The following SIPA1L3 variants were observed in gnomAD, a reference collection of about 807,000 sequenced individuals.
SIPA1L3 encodes signal induced proliferation associated 1 like 3.
SIPA1L3 carries 59 observed loss-of-function variants against 150.1 expected under a neutral mutation model. The observed-to-expected ratio is 0.39, with a 90% CI of 0.32 to 0.49. The LOEUF (loss-of-function observed/expected upper bound fraction) is 0.49. Among genes scored for constraint, SIPA1L3 ranks in the 20% least tolerant of loss-of-function variants. The probability of loss-of-function intolerance (pLI) is 0.86; values close to 1 mark genes in which losing one functional copy is unlikely to be tolerated. For missense variants in SIPA1L3, 2,211 were observed against 2,489.5 expected, an observed-to-expected ratio of 0.89 and a Z score of 2.38; for synonymous variants, 1,070 against 1,077.6, an observed-to-expected ratio of 0.99 and a Z score of 0.14.
intron 4 of SIPA1L3, among the ~76,000 whole-genome samples, chr19:38,093,558 G>T (rs1970310516): frequency 6.6e-6 from 1 of 152,182 alleles, no homozygotes; most frequent in Admixed American, 6.6e-5. Context: ...TTCCTTCCCA[G>T]GAGGTCAGAG....
chr19:37,998,195 C>T (rs903678014), intron 1 of SIPA1L3, among the ~76,000 whole-genome samples: 20 of 152,322 alleles, frequency 1.3e-4, no homozygotes, highest in South Asian at 4.1e-4. Flanking sequence ...AAGCGACTCA[C>T]GGCTTGTTAA....
At position 38,051,380 on chromosome 19, in the gene SIPA1L3, AAGT is replaced by A. The variant is rs572504700; in HGVS notation, c.-311+22228_-311+22230del. Among the ~76,000 whole-genome samples, 19 of 152,188 alleles carry A rather than the reference AAGT, an allele frequency of 1.2e-4. 1 individual carries two copies. The East Asian group carries it at 3.7e-3, about 29-fold the overall frequency. On this transcript the variant is annotated intron_variant, in intron 2 of 21. Coordinates refer to ENST00000222345, the MANE Select transcript of SIPA1L3 (RefSeq NM_015073.3). ...TGGGTTTCATCTTTTCGTCTTTCTC[AAGT>A]AGTGCTGCAGTGGGGAGCCTCGTCC...
chr19:37,977,181 A>G (rs957821369), intron 1 of SIPA1L3, among the ~76,000 whole-genome samples: 5 of 151,796 alleles, frequency 3.3e-5, no homozygotes, highest in African/African-American at 9.7e-5. Flanking sequence ...AATTTTTTTT[A>G]TGAGATGGAG....
chr19:38,195,810 G>A (rs1199670059), intron 18 of SIPA1L3, among the ~76,000 whole-genome samples: 3 of 9,368 alleles, frequency 3.2e-4, no homozygotes, highest in Non-Finnish European at 8.7e-4. Context: ...CCGCCCCCCC[G>A]GGTTTCTCTC....
intron 16 of SIPA1L3, chr19:38,186,013 C>T (rs1972669423): frequency 6.6e-6 from 1 of 152,666 alleles, no homozygotes. Flanking sequence ...TGTCCCAGGG[C>T]ACAGCGACCG....
intron 1 of SIPA1L3, among the ~76,000 whole-genome samples, chr19:37,914,471 G>C (rs1357345722): frequency 6.6e-6 from 1 of 151,530 alleles, no homozygotes; most frequent in African/African-American, 2.4e-5. Flanking sequence ...CTGGGCTCAA[G>C]TGATCCTCCT....
intron 1 of SIPA1L3, among the ~76,000 whole-genome samples, chr19:37,939,829 A>G (rs951451009): frequency 6.6e-6 from 1 of 152,190 alleles, no homozygotes; most frequent in Non-Finnish European, 1.5e-5. Flanking sequence ...TCAATATTGG[A>G]GTAGGCAGCC....
Position 38,082,596 on chromosome 19 carries a change from A to G in SIPA1L3, c.1031A>G (p.Asp344Gly). 6.2e-7 allele frequency: 1 copy of G among 1,604,146 alleles called. No homozygotes were observed. Among genetic ancestry groups the G allele is most frequent in the Non-Finnish European group, 8.5e-7 (1 of 1,179,728 alleles). The part of the protein sequence containing the change: ...WVCQKSFAHF[D>G]VQSMLFDLNE... ...TGTCAGAAGAGCTTCGCCCACTTCG[A>G]CGTGCAGAGCATGCTGTTCGACCTC... Residue 344 changes from aspartate to glycine, a missense_variant, in exon 3 of 22, where the codon GAC (aspartate) becomes GGC (glycine). Transcript: ENST00000222345.
At chr19:38,161,193 T>C (rs1016971090) in intron 13 of SIPA1L3, among the ~76,000 whole-genome samples, 1 of 143,992 alleles carries the variant, frequency 6.9e-6, no homozygotes, top group Non-Finnish European at 1.5e-5. Context: ...AATACAAAAA[T>C]TAGCCGGGCG....
chr19:38,007,160 G>A (rs1376626860), intron 1 of SIPA1L3, among the ~76,000 whole-genome samples: 1 of 151,052 alleles, frequency 6.6e-6, no homozygotes, highest in Non-Finnish European at 1.5e-5. Context: ...TCTACTAAAA[G>A]TACAAAAATT....
chr19:38,028,838 G>GC (rs1041652651), intron 1 of SIPA1L3, among the ~76,000 whole-genome samples: 1 of 151,828 alleles, frequency 6.6e-6, no homozygotes, highest in Admixed American at 6.6e-5. Context: ...CATGACAGGC[G>GC]CCCACCACCA....
At chr19:38,000,895 T>C (rs1231012520) in intron 1 of SIPA1L3, among the ~76,000 whole-genome samples, 1 of 18,404 alleles carries the variant, frequency 5.4e-5, no homozygotes, top group African/African-American at 4.0e-4. Flanking sequence ...ATATATATGT[T>C]ATATATATAT....
At chr19:38,095,444 C>G (rs12981412) in intron 4 of SIPA1L3, among the ~76,000 whole-genome samples, 46,837 of 152,062 alleles carry the variant, frequency 0.31, 8,113 homozygotes, top group East Asian at 0.61. Context: ...CAGAGTCAAG[C>G]GGGGAGTACG....
intron 2 of SIPA1L3, among the ~76,000 whole-genome samples, chr19:38,033,660 G>A (rs898452711): frequency 7.4e-6 from 1 of 135,046 alleles, no homozygotes; most frequent in Non-Finnish European, 1.6e-5. Flanking sequence ...GCAATAGAGC[G>A]AGAGAGATAC....
At chr19:38,178,059 T>A (rs1972474860) in intron 15 of SIPA1L3, among the ~76,000 whole-genome samples, 1 of 151,012 alleles carries the variant, frequency 6.6e-6, no homozygotes, top group Non-Finnish European at 1.5e-5. Flanking sequence ...TCCTCATACC[T>A]GCCTGTGTGT....
At chr19:38,093,260 G>A (rs1169264175) in intron 4 of SIPA1L3, among the ~76,000 whole-genome samples, 2 of 152,146 alleles carry the variant, frequency 1.3e-5, no homozygotes, top group Non-Finnish European at 1.5e-5. Flanking sequence ...GTGGACAACT[G>A]GAAGAAGAGC....
At chr19:38,118,723 G>A (rs10424104) in intron 8 of SIPA1L3, among the ~76,000 whole-genome samples, 4,371 of 151,846 alleles carry the variant, frequency 0.029, 207 homozygotes, top group African/African-American at 0.099. Flanking sequence ...TAGTACAGAC[G>A]GGGCTTTACC....
At chr19:37,916,631 G>A (rs891482020) in intron 1 of SIPA1L3, among the ~76,000 whole-genome samples, 5 of 151,830 alleles carry the variant, frequency 3.3e-5, no homozygotes, top group African/African-American at 1.2e-4. Flanking sequence ...TAAGACACTG[G>A]TTCTCAAAAG....
At chr19:38,023,775 A>T (rs765006750) in intron 1 of SIPA1L3, among the ~76,000 whole-genome samples, 147 of 152,140 alleles carry the variant, frequency 9.7e-4, no homozygotes, top group Non-Finnish European at 1.2e-3. Context: ...CCCCATCACC[A>T]CTCAGTCAAG....
Sources: allele counts gnomAD v4.1 joint callset (sites outside exome capture counted in the v4.1 genomes callset), GRCh38; gene constraint gnomAD v4.1.1; transcripts MANE v1.5; gene names NCBI Gene and HGNC (gene_info 2026-07-23, HGNC 2026-07-21).